Variants in STK33 observed in about 807,000 individuals in gnomAD.
STK33 encodes the protein serine/threonine kinase 33, also known as serine/threonine-protein kinase 33.
Under a neutral mutation model 58.0 loss-of-function variants are expected in STK33, and 52 were observed. The ratio of observed to expected loss-of-function variants is 0.90; its 90% CI spans 0.72 to 1.13. The LOEUF (loss-of-function observed/expected upper bound fraction) is 1.13, where lower values mean the gene tolerates loss of function less well. STK33 is among the 50% of genes most tolerant of loss of function. STK33 has a pLI of 0.00. For missense variants in STK33, 630 were observed against 604.2 expected, an observed-to-expected ratio of 1.04 and a Z score of -0.45; for synonymous variants, 215 against 200.1, an observed-to-expected ratio of 1.07 and a Z score of -0.63.
chr11:8,408,244 C>G (rs1422409913), intron 15 of STK33, among the ~76,000 whole-genome samples: 1 of 152,090 alleles, frequency 6.6e-6, no homozygotes, highest in Non-Finnish European at 1.5e-5. Flanking sequence ...GAAATTGAAG[C>G]AATACTTGTT....
intron 14 of STK33, among the ~76,000 whole-genome samples, chr11:8,426,385 T>C (rs1590960663): frequency 6.6e-6 from 1 of 152,178 alleles, no homozygotes; most frequent in East Asian, 1.9e-4. Flanking sequence ...TCGGGTTTTT[T>C]ACAGGCCCAG....
intron 1 of STK33, among the ~76,000 whole-genome samples, chr11:8,524,606 G>C (rs1953868241): frequency 6.6e-6 from 1 of 152,032 alleles, no homozygotes; most frequent in African/African-American, 2.4e-5. Context: ...GAAGTGGTTT[G>C]AGTTTTTATT....
intron 14 of STK33, among the ~76,000 whole-genome samples, chr11:8,414,970 C>T (rs1375585650): frequency 1.3e-5 from 2 of 152,074 alleles, no homozygotes; most frequent in African/African-American, 4.8e-5. Context: ...GGCTCAGTGA[C>T]AGTAACCATT....
chr11:8,442,877 T>G (rs1196890434), intron 11 of STK33, among the ~76,000 whole-genome samples: 3 of 152,184 alleles, frequency 2.0e-5, no homozygotes, highest in Non-Finnish European at 4.4e-5. Context: ...GAGTATGTAC[T>G]GTATGATTCA....
At chr11:8,478,388 T>G (rs953118531) in intron 2 of STK33, among the ~76,000 whole-genome samples, 1 of 152,182 alleles carries the variant, frequency 6.6e-6, no homozygotes, top group Non-Finnish European at 1.5e-5. Context: ...GTACTGGACA[T>G]AATATAAGCA....
intron 1 of STK33, among the ~76,000 whole-genome samples, chr11:8,527,652 C>A (rs994905275): frequency 3.3e-5 from 5 of 152,074 alleles, no homozygotes; most frequent in African/African-American, 4.8e-5. Flanking sequence ...ACATAGTAAA[C>A]AGATGGTGGC....
In STK33 at chr11:8,413,794, C is replaced by T. The variant is rs1940692485; in HGVS notation, c.1147-102G>A. 3.9e-6 allele frequency: 4 copies of T among 1,031,322 alleles called. No individual in the cohort carries two copies. In the Admixed American group the frequency reaches 7.0e-5, roughly 18 times the overall value. The allele number at this position is 1,031,322 out of a possible 1,614,324, so 63.9% of individuals were successfully genotyped here. A position where few individuals can be genotyped will look rare whatever the true frequency, so the allele number is the denominator to read the frequency against. ...AGTCTCCCAAATTCAGTAATAGTCA[C>T]ATGGAAAAGATTATAATGCTGAATA... On this transcript the variant is annotated intron_variant, in intron 14 of 15. Coordinates refer to ENST00000687296, the MANE Select transcript of STK33 (RefSeq NM_001352389.2).
the STK33 span, among the ~76,000 whole-genome samples, chr11:8,335,529 G>A: frequency 7.2e-5 from 11 of 152,142 alleles, no homozygotes; most frequent in South Asian, 2.1e-4. Context: ...TGTCCTCCCT[G>A]TGAAGATGGA....
At chr11:8,413,751 T>C in intron 14 of STK33, 59 bp from the exon 15 acceptor site, 2 of 1,447,272 alleles carry the variant, frequency 1.4e-6, no homozygotes, top group East Asian at 2.3e-5. Context: ...AGACGATACC[T>C]ACATCATTTA....
Position 8,392,726 on chromosome 11 carries a change from C to A in STK33, c.1345-16G>T. ...AAGCAGTAGACTGCAAATAAAAGGT[C>A]TTGATTAATTTTCAGACACAAAGCA... On this transcript the variant is annotated splice_polypyrimidine_tract_variant and intron_variant, in intron 15 of 15. Coordinates refer to ENST00000687296, the MANE Select transcript of STK33 (RefSeq NM_001352389.2). The A allele has an allele frequency of 1.2e-6, 2 of 1,613,174 alleles. No individual in the cohort carries two copies. The highest frequency in any genetic ancestry group is 1.7e-6 in the Non-Finnish European group (2 of 1,179,388).
chr11:8,341,396 C>G, the STK33 span, among the ~76,000 whole-genome samples: 2 of 152,218 alleles, frequency 1.3e-5, no homozygotes, highest in African/African-American at 4.8e-5. Context: ...CCTAAGGGAG[C>G]CAGCACCACA....
the STK33 span, among the ~76,000 whole-genome samples, chr11:8,353,904 G>A: frequency 3.1e-3 from 475 of 152,340 alleles, 5 homozygotes; most frequent in African/African-American, 0.011. Context: ...CATTCCCAGG[G>A]TGGGATGAAG....
At chr11:8,361,840 C>A in the STK33 span, among the ~76,000 whole-genome samples, 1 of 152,234 alleles carries the variant, frequency 6.6e-6, no homozygotes, top group African/African-American at 2.4e-5. This position sits in a 1 kb window ranked among gnomAD's most constrained non-coding sequence, Gnocchi z 4.8. Flanking sequence ...GGCACCCACC[C>A]CACCACTGCT....
chr11:8,523,825 A>G (rs1953775214), intron 1 of STK33, among the ~76,000 whole-genome samples: 1 of 152,256 alleles, frequency 6.6e-6, no homozygotes, highest in South Asian at 2.1e-4. Context: ...GGTGTACCCA[A>G]CAGCTCATTG....
chr11:8,452,611 C>T (rs916995676), intron 11 of STK33, among the ~76,000 whole-genome samples: 2 of 151,630 alleles, frequency 1.3e-5, no homozygotes, highest in Non-Finnish European at 2.9e-5. Context: ...AGTGAGACTG[C>T]TATCTCTTAA....
intron 1 of STK33, among the ~76,000 whole-genome samples, chr11:8,589,575 A>T (rs955127757): frequency 6.6e-6 from 1 of 152,190 alleles, no homozygotes; most frequent in Non-Finnish European, 1.5e-5. Flanking sequence ...CTGGAATTAA[A>T]TAGTAGTTAT....
chr11:8,573,607 T>C (rs938924654), intron 1 of STK33, among the ~76,000 whole-genome samples: 1 of 152,242 alleles, frequency 6.6e-6, no homozygotes, highest in Non-Finnish European at 1.5e-5. Flanking sequence ...TGATAACTTA[T>C]GTTCACACAG....
chr11:8,399,307 A>C (rs532877427), intron 15 of STK33, among the ~76,000 whole-genome samples: 1 of 152,374 alleles, frequency 6.6e-6, no homozygotes, highest in African/African-American at 2.4e-5. Flanking sequence ...CTCAGGATTA[A>C]GAAACTCACT....
chr11:8,509,116 C>CAAAAAAAAA (rs1161851155), intron 1 of STK33, among the ~76,000 whole-genome samples: 1 of 45,416 alleles, frequency 2.2e-5, no homozygotes, highest in Non-Finnish European at 4.4e-5. Context: ...AACTCTGTCT[C>CAAAAAAAAA]AAAAAAAAAA....
Sources: allele counts gnomAD v4.1 joint callset (sites outside exome capture counted in the v4.1 genomes callset), GRCh38; gene constraint gnomAD v4.1.1; non-coding constraint Gnocchi (gnomAD v3.1); transcripts MANE v1.5; gene names NCBI Gene and HGNC (gene_info 2026-07-23, HGNC 2026-07-21).